DDX17: variants seen among roughly 807,000 people sequenced by gnomAD.
The protein encoded by DDX17 is probable ATP-dependent RNA helicase DDX17.
In DDX17, 10 loss-of-function variants were observed where a neutral mutation model predicts 80.8. The observed-to-expected ratio is 0.12, with a 90% CI of 0.08 to 0.21. The LOEUF is 0.21. Ranked by LOEUF, DDX17 falls within the 10% of genes least tolerant of loss-of-function variation. DDX17 has a pLI of 1.00. For synonymous variants in DDX17, 339 were observed against 336.2 expected, an observed-to-expected ratio of 1.01 and a Z score of -0.09; for missense variants, 586 against 957.4, an observed-to-expected ratio of 0.61 and a Z score of 5.12.
rs2089787436 is a variant in DDX17 at position 38,497,957 on chromosome 22, G to A, written c.738+128C>T. The A allele has an allele frequency of 2.6e-5, 21 of 809,672 alleles. No individual in the cohort carries two copies. In the Admixed American group the frequency reaches 5.7e-4, roughly 22 times the overall value. 50.2% of individuals were successfully genotyped at this position (809,672 alleles called of 1,614,324 possible). A position where few individuals can be genotyped will look rare whatever the true frequency, so the allele number is the denominator to read the frequency against. ...AGTCATTTAATTCCAAGTAAGATGA[G>A]AATGAAACCATTTCCACCTATGGAG... On this transcript the variant is annotated intron_variant, in intron 5 of 12. Coordinates refer to ENST00000403230, the MANE Select transcript of DDX17 (RefSeq NM_006386.5).
intron 5 of DDX17, 125 bp from the exon 6 acceptor site, chr22:38,496,062 G>T: frequency 2.3e-6 from 2 of 852,414 alleles, no homozygotes; most frequent in Non-Finnish European, 3.3e-6. Context: ...CATTAAAAGT[G>T]ATGGGGTGAA....
chr22:38,490,303 T>C (rs2089700590), intron 11 of DDX17: 12 of 1,284,120 alleles, frequency 9.3e-6, no homozygotes, highest in East Asian at 5.6e-5. Flanking sequence ...AAAGGCCCTA[T>C]GACATGGCCT....
At position 38,495,680 on chromosome 22, in the gene DDX17, C is replaced by CT. The variant is rs751534531; in HGVS notation, c.880+115dup. On this transcript the variant is annotated intron_variant, in intron 6 of 12. Transcript: ENST00000403230. ...CTGTTTTAGTCACATCTGAGAATTT[C>CT]TAAGCTGCTGAAATTCTGAGTTTAT... The CT allele has an allele frequency of 8.1e-4, 665 of 825,918 alleles. 1 individual carries two copies. Among genetic ancestry groups the CT allele is most frequent in the Non-Finnish European group, 9.7e-4 (548 of 563,006 alleles). The allele number at this position is 825,918 out of a possible 1,614,324, so 51.2% of individuals were successfully genotyped here.
intron 2 of DDX17, among the ~76,000 whole-genome samples, chr22:38,500,490 G>A (rs2089816647): frequency 6.6e-6 from 1 of 151,566 alleles, no homozygotes; most frequent in South Asian, 2.1e-4. Flanking sequence ...CTCCAGCCTG[G>A]GTGACAGAGC....
rs1432230282 is a variant in DDX17, at chr22:38,506,244, C to T, written c.-7G>A. The T allele has an allele frequency of 6.3e-6, 10 of 1,599,364 alleles. No homozygotes were observed. The highest frequency in any genetic ancestry group is 2.3e-5 in the East Asian group (1 of 43,996). ...CTACAAAGCCGGTGGGCAGGTTTGG[C>T]TACGCTCAAACCGGGCAGTGCCGCG... On this transcript the variant is annotated 5_prime_UTR_variant, in exon 1 of 13. Coordinates refer to ENST00000403230, the MANE Select transcript of DDX17 (RefSeq NM_006386.5).
At chr22:38,497,814 C>G (rs542031387) in intron 5 of DDX17, among the ~76,000 whole-genome samples, 7 of 152,024 alleles carry the variant, frequency 4.6e-5, no homozygotes, top group African/African-American at 1.4e-4. Context: ...ACACCAAAAC[C>G]AGAAAACACT....
chr22:38,494,531 C>T (rs1195075147), intron 8 of DDX17, 99 bp downstream of exon 8: 1 of 1,099,060 alleles, frequency 9.1e-7, no homozygotes, highest in Non-Finnish European at 1.3e-6. Context: ...TTAATGTTCT[C>T]AGGCCTCAAA....
Position 38,485,761 on chromosome 22 carries a change from G to C in DDX17, c.*174C>G. On this transcript the variant is annotated 3_prime_UTR_variant, in exon 13 of 13. Transcript: ENST00000403230. ...TTTGGTGGGCAGAAGAAACCTGGCA[G>C]TGAATTCTAACTAATCTGCATGAAA... The C allele has an allele frequency of 1.1e-6, 1 of 919,948 alleles. No individual in the cohort carries two copies. 57.0% of individuals were successfully genotyped at this position (919,948 alleles called of 1,614,324 possible).
At chr22:38,500,226 G>T (rs1489743967) in intron 2 of DDX17, among the ~76,000 whole-genome samples, 1 of 148,368 alleles carries the variant, frequency 6.7e-6, no homozygotes, top group Non-Finnish European at 1.5e-5. Flanking sequence ...GAAAAAACAT[G>T]ACCTAATATA....
intron 3 of DDX17, among the ~76,000 whole-genome samples, 174 bp downstream of exon 3, chr22:38,499,225 AC>A (rs541447674): frequency 3.9e-4 from 60 of 152,338 alleles, no homozygotes; most frequent in South Asian, 2.5e-3. Flanking sequence ...CCTCAAAAAA[AC>A]AAAACAAAAA....
chr22:38,490,089 G>A, intron 11 of DDX17: 2 of 1,097,758 alleles, frequency 1.8e-6, no homozygotes, highest in Non-Finnish European at 2.2e-6. Context: ...ATACTAGAAA[G>A]GTGTCCTGTG....
In DDX17 at chr22:38,486,407, G is replaced by A. The variant is rs2089660201; in HGVS notation, c.1718C>T (p.Ala573Val). ...CTGATACATCAGATTGGGATTGTTGGCTGAAGAAGTGGTCCGGTAACGAGA... is the reference window on the plus strand; with the variant it reads ...CTGATACATCAGATTGGGATTGTTGACTGAAGAAGTGGTCCGGTAACGAGA... Residue 573 changes from alanine to valine, a missense_variant, in exon 13 of 13, where the codon GCC (alanine) becomes GTC (valine). By Grantham distance (64) the Ala-to-Val change is moderately conservative. Transcript: ENST00000403230. 6.2e-7 allele frequency: 1 copy of A among 1,611,928 alleles called. No individual in the cohort carries two copies. The highest frequency in any genetic ancestry group is 8.5e-7 in the Non-Finnish European group (1 of 1,178,952).
At chr22:38,505,778 C>T in intron 1 of DDX17, 173 bp downstream of exon 1, 1 of 819,594 alleles carries the variant, frequency 1.2e-6, no homozygotes, top group Non-Finnish European at 1.8e-6. Context: ...CCTCGGGTCC[C>T]GAGTGACCCC....
intron 3 of DDX17, among the ~76,000 whole-genome samples, chr22:38,498,975 G>C (rs1015087721): frequency 2.6e-5 from 4 of 152,172 alleles, no homozygotes; most frequent in Admixed American, 2.6e-4. Flanking sequence ...TCGCGCCACT[G>C]CACTTCAGCC....
chr22:38,485,876 AAGAC>A lies in DDX17; in HGVS notation c.*55_*58del. ...AAAGGCGAAGAGGAAAAAAAAAGGA[AAGAC>A]AGTGTTCCTTAAAATGTAATTAAGT... On this transcript the variant is annotated 3_prime_UTR_variant, in exon 13 of 13. Transcript: ENST00000403230. 6.5e-7 allele frequency: 1 copy of A among 1,532,506 alleles called. No homozygotes were observed. The highest frequency in any genetic ancestry group is 8.7e-7 in the Non-Finnish European group (1 of 1,142,896). The allele number at this position is 1,532,506 out of a possible 1,614,324, so 94.9% of individuals were successfully genotyped here. A position where few individuals can be genotyped will look rare whatever the true frequency, so the allele number is the denominator to read the frequency against.
intron 1 of DDX17, among the ~76,000 whole-genome samples, chr22:38,503,741 T>C (rs1201596899): frequency 1.3e-5 from 2 of 152,270 alleles, no homozygotes; most frequent in Non-Finnish European, 2.9e-5. Flanking sequence ...TTAAAAACCA[T>C]ACTACTTCAA....
At position 38,498,427 on chromosome 22, in the gene DDX17, T is replaced by C; in HGVS notation, c.672+13A>G. On this transcript the variant is annotated intron_variant, in intron 4 of 12. Transcript: ENST00000403230. Reference sequence around the variant, plus strand: ...TACCACAATATCAAGGATCTTCTCTTGCTCATACATACCGCCAACGTCTTC... The same window carrying C: ...TACCACAATATCAAGGATCTTCTCTCGCTCATACATACCGCCAACGTCTTC... The C allele has an allele frequency of 6.2e-7, 1 of 1,614,090 alleles. No individual in the cohort carries two copies. The highest frequency in any genetic ancestry group is 8.5e-7 in the Non-Finnish European group (1 of 1,179,954).
intron 1 of DDX17, among the ~76,000 whole-genome samples, chr22:38,501,907 T>C (rs2089834536): frequency 6.6e-6 from 1 of 152,162 alleles, no homozygotes; most frequent in African/African-American, 2.4e-5. Flanking sequence ...AGGCAAAGGA[T>C]GACATTAAGT....
At chr22:38,493,792 A>C (rs2089735370) in intron 9 of DDX17, 21 bp from the exon 10 acceptor site, 1 of 1,606,116 alleles carries the variant, frequency 6.2e-7, no homozygotes, top group Admixed American at 1.7e-5. Context: ...AAAAGTGACC[A>C]ATATTTTAAA....
Sources: gnomAD v4.1 joint callset for allele counts (sites outside exome capture counted in the v4.1 genomes callset) on GRCh38, gnomAD v4.1.1 for gene constraint, MANE v1.5 for transcripts, NCBI Gene and HGNC (gene_info 2026-07-23, HGNC 2026-07-21) for gene names.